Variants in RELN observed in about 807,000 individuals in gnomAD.
RELN encodes the protein reelin.
Under a neutral mutation model 427.6 loss-of-function variants are expected in RELN, and 108 were observed. The ratio of observed to expected loss-of-function variants is 0.25; its 90% CI spans 0.22 to 0.30. RELN has a LOEUF of 0.30. Among genes scored for constraint, RELN ranks in the 10% least tolerant of loss-of-function variants. The pLI, the probability that RELN is intolerant of heterozygous loss-of-function variation, is 1.00. For synonymous variants in RELN, 1,524 were observed against 1,513.4 expected (o/e 1.01, Z -0.16); for missense variants, 3,715 against 4,302.8 (o/e 0.86, Z 3.82).
rs74491937 is a variant in RELN at position 103,785,794 on chromosome 7, T to C, written c.474-9167A>G. 2.3e-4 allele frequency among the ~76,000 whole-genome samples: 35 copies of C among 152,142 alleles called. No individual in the cohort carries two copies. In the East Asian group the frequency reaches 6.2e-3, roughly 27 times the overall value. On this transcript the variant is annotated intron_variant, in intron 3 of 64. Transcript: ENST00000428762. ...AACTCTGTGAAAATATTGTGGAAAA[T>C]ATAAGGAATTATGATGATAATGTCT...
At position 103,947,839 on chromosome 7, in the gene RELN, A is replaced by G. The variant is rs1003891354; in HGVS notation, c.227-30654T>C. 5.3e-5 allele frequency among the ~76,000 whole-genome samples: 8 copies of G among 152,366 alleles called. 1 individual carries two copies. In the Middle Eastern group the frequency reaches 0.01, roughly 194 times the overall value. ...TTAAATATTACCCCTTACAATGTCA[A>G]TCATGCTTAGGAGAATTATAGTTGC... On this transcript the variant is annotated intron_variant, in intron 1 of 64. Coordinates refer to ENST00000428762, the MANE Select transcript of RELN (RefSeq NM_005045.4).
At chr7:103,599,689 C>T (rs1477056486) in intron 24 of RELN, among the ~76,000 whole-genome samples, 1 of 152,022 alleles carries the variant, frequency 6.6e-6, no homozygotes, top group Non-Finnish European at 1.5e-5. Flanking sequence ...TTGAACAGGA[C>T]ACCGAAATTT....
At chr7:103,984,256 T>G (rs1797051637) in intron 1 of RELN, among the ~76,000 whole-genome samples, 1 of 152,022 alleles carries the variant, frequency 6.6e-6, no homozygotes, top group South Asian at 2.1e-4. Context: ...AAAATCTTGG[T>G]AAAATATCAC....
At chr7:103,875,009 G>C (rs1397351279) in intron 2 of RELN, among the ~76,000 whole-genome samples, 4 of 145,736 alleles carry the variant, frequency 2.7e-5, no homozygotes, top group Non-Finnish European at 6.1e-5. Context: ...CCAAAACAGA[G>C]ATACAGATCA....
intron 1 of RELN, among the ~76,000 whole-genome samples, chr7:103,984,578 A>G (rs967313502): frequency 6.6e-6 from 1 of 152,300 alleles, no homozygotes; most frequent in Admixed American, 6.5e-5. Flanking sequence ...AGCAAGATTT[A>G]TGATTTAAGA....
At chr7:103,870,387 G>T (rs1488520817) in intron 2 of RELN, among the ~76,000 whole-genome samples, 1 of 151,792 alleles carries the variant, frequency 6.6e-6, no homozygotes, top group African/African-American at 2.4e-5. Flanking sequence ...TTGGCAGGCA[G>T]TTCAACTACT....
chr7:103,842,058 A>G (rs963373651), intron 2 of RELN, among the ~76,000 whole-genome samples: 7 of 152,198 alleles, frequency 4.6e-5, no homozygotes, highest in African/African-American at 1.7e-4. Context: ...CAATTGTAAA[A>G]GAAATATTTT....
chr7:103,589,879 A>C (rs1216644865), intron 27 of RELN, 51 bp from the exon 28 acceptor site: 1 of 1,136,412 alleles, frequency 8.8e-7, no homozygotes, highest in Non-Finnish European at 1.3e-6. Flanking sequence ...CTAAGTCATC[A>C]CTCAACAAAT....
Position 103,497,833 on chromosome 7 carries a change from G to A in RELN, c.8937C>T (p.Tyr2979=). 1 of 1,614,068 alleles carries A rather than the reference G, an allele frequency of 6.2e-7. No homozygotes were observed. Among genetic ancestry groups the A allele is most frequent in the African/African-American group, 1.3e-5 (1 of 75,044 alleles). ...ICRKEGVLLD[Y]STDGGITWTL... ...CCTGACACATGCCTCCATCGGTAGAGTAGTCCAACAGCACGCCTTCCTTCC... is the reference window on the plus strand; with the variant it reads ...CCTGACACATGCCTCCATCGGTAGAATAGTCCAACAGCACGCCTTCCTTCC... The change falls in exon 55 of 65, where the codon TAC becomes TAT. Residue 2979 remains tyrosine, a synonymous_variant. Coordinates refer to ENST00000428762, the MANE Select transcript of RELN (RefSeq NM_005045.4).
chr7:103,700,726 ACTTTTAATAATAT>A (rs1164997675), intron 9 of RELN, among the ~76,000 whole-genome samples, 171 bp downstream of exon 9: 2 of 152,170 alleles, frequency 1.3e-5, no homozygotes, highest in Non-Finnish European at 2.9e-5. Context: ...GGAAAATGAC[ACTTTTAATAATAT>A]CTTCTCCGAG....
At chr7:103,818,642 G>T (rs904848764) in intron 3 of RELN, among the ~76,000 whole-genome samples, 1 of 152,128 alleles carries the variant, frequency 6.6e-6, no homozygotes, top group Non-Finnish European at 1.5e-5. Context: ...TAGTTACAAG[G>T]TTGTTCTTCA....
intron 61 of RELN, among the ~76,000 whole-genome samples, chr7:103,485,781 CTATT>C: frequency 6.6e-6 from 1 of 152,154 alleles, no homozygotes; most frequent in Non-Finnish European, 1.5e-5. Flanking sequence ...TCCTCCATTT[CTATT>C]TATTGTACTT....
Position 103,574,173 on chromosome 7 carries a change from A to G in RELN, c.4430T>C (p.Leu1477Pro). 6.2e-7 allele frequency: 1 copy of G among 1,614,176 alleles called. No individual in the cohort carries two copies. The highest frequency in any genetic ancestry group is 1.1e-5 in the South Asian group (1 of 91,072). ...GAAGTAGAGAGATTTGCCATCGTTAAGTGTTCCACAGCCAGTTCCAACCTG... is the reference window on the plus strand; with the variant it reads ...GAAGTAGAGAGATTTGCCATCGTTAGGTGTTCCACAGCCAGTTCCAACCTG... ...GAQVGTGCGT[L>P]NDGKSLYFNG... The change falls in exon 30 of 65, where the codon CTT becomes CCT. Residue 1477 changes from leucine (L) to proline (P), a missense_variant. Physicochemically the swap from Leu to Pro is moderately conservative, Grantham distance 98. This residue lies in a region of RELN where 2,208 missense variants were observed against 2,361.7 expected (regional missense o/e 0.93). Transcript: ENST00000428762.
chr7:103,766,053 C>T (rs940384115), intron 4 of RELN, among the ~76,000 whole-genome samples: 3 of 152,162 alleles, frequency 2.0e-5, no homozygotes. Flanking sequence ...CTTCAGATCA[C>T]TTAAGGATAC....
chr7:103,617,173 T>C (rs1415390637), intron 20 of RELN, among the ~76,000 whole-genome samples: 1 of 152,220 alleles, frequency 6.6e-6, no homozygotes, highest in African/African-American at 2.4e-5. Flanking sequence ...ATACAGTGTG[T>C]GTGTGTGAAG....
chr7:103,713,580 G>A (rs1293469198), intron 8 of RELN, among the ~76,000 whole-genome samples: 1 of 151,756 alleles, frequency 6.6e-6, no homozygotes, highest in African/African-American at 2.4e-5. Flanking sequence ...AAACAGGCTT[G>A]CCTCATTCTA....
intron 2 of RELN, among the ~76,000 whole-genome samples, chr7:103,835,954 C>CTTTT (rs10569884): frequency 3.5e-5 from 5 of 142,394 alleles, no homozygotes; most frequent in Admixed American, 7.0e-5. Flanking sequence ...CTCAATTACC[C>CTTTT]TTTTTTTTTT....
intron 1 of RELN, among the ~76,000 whole-genome samples, chr7:103,962,469 C>T (rs540558293): frequency 1.3e-5 from 2 of 152,202 alleles, no homozygotes; most frequent in South Asian, 2.1e-4. Flanking sequence ...TGAGGCGCCT[C>T]CACCGACAGA....
At chr7:103,920,567 G>GTTTTTTTTTTTTTTTTT in intron 1 of RELN, among the ~76,000 whole-genome samples, 1 of 134,278 alleles carries the variant, frequency 7.4e-6, no homozygotes, top group Admixed American at 7.7e-5. Context: ...CCAGTCTTTG[G>GTTTTTTTTTTTTTTTTT]TTTTTTTTTT....
Sources: gnomAD v4.1 joint callset for allele counts (sites outside exome capture counted in the v4.1 genomes callset) on GRCh38, gnomAD v4.1.1 for gene constraint, gnomAD v4.1.1 regional missense constraint, MANE v1.5 for transcripts, NCBI Gene and HGNC (gene_info 2026-07-23, HGNC 2026-07-21) for gene names.